The following MYO3B variants were observed in gnomAD, a reference collection of about 807,000 sequenced individuals.
The protein encoded by MYO3B is myosin IIIB.
MYO3B carries 156 observed loss-of-function variants against 174.6 expected under a neutral mutation model. The observed-to-expected ratio is 0.89, with a 90% CI of 0.78 to 1.02. The LOEUF (loss-of-function observed/expected upper bound fraction) is 1.02, where lower values mean the gene tolerates loss of function less well. MYO3B is among the 50% of genes least tolerant of loss of function. MYO3B has a pLI of 0.00. For synonymous variants in MYO3B, 563 were observed against 569.1 expected (o/e 0.99, Z 0.15); for missense variants, 1,632 against 1,639.4 (o/e 1.00, Z 0.08).
At chr2:170,324,736 T>C (rs958364976) in intron 7 of MYO3B, among the ~76,000 whole-genome samples, 1 of 152,218 alleles carries the variant, frequency 6.6e-6, no homozygotes, top group Non-Finnish European at 1.5e-5. Flanking sequence ...GTGGCAGATA[T>C]TAAGCTTTGT....
intron 32 of MYO3B, among the ~76,000 whole-genome samples, chr2:170,615,275 C>G (rs1245434239): frequency 6.6e-6 from 1 of 152,206 alleles, no homozygotes; most frequent in Non-Finnish European, 1.5e-5. Flanking sequence ...GAAGGAAAAG[C>G]TGTAAACAAA....
At chr2:170,377,797 C>T (rs1383919283) in intron 9 of MYO3B, among the ~76,000 whole-genome samples, 1 of 152,184 alleles carries the variant, frequency 6.6e-6, no homozygotes, top group African/African-American at 2.4e-5. Flanking sequence ...TCTTCTGAGC[C>T]ATTAAAACTA....
At chr2:170,253,155 C>G (rs1450648282) in intron 7 of MYO3B, among the ~76,000 whole-genome samples, 2 of 152,164 alleles carry the variant, frequency 1.3e-5, no homozygotes, top group Non-Finnish European at 2.9e-5. Context: ...AGCAGAGACT[C>G]AAGGTAAGAG....
In MYO3B at chr2:170,307,749, C is replaced by T. The variant is rs185340680; in HGVS notation, c.750-27636C>T. 1.7e-3 allele frequency among the ~76,000 whole-genome samples: 264 copies of T among 152,346 alleles called. 1 individual carries two copies. Among genetic ancestry groups the T allele is most frequent in the South Asian group, 7.9e-3 (38 of 4,830 alleles). On this transcript the variant is annotated intron_variant, in intron 7 of 34. Transcript: ENST00000408978. Reference sequence around the variant, plus strand: ...GAGCAGGGTCACCCCATAGGTAGTGCAGCAAGAATAGCAGCTCAAGGGCAG... The same window carrying T: ...GAGCAGGGTCACCCCATAGGTAGTGTAGCAAGAATAGCAGCTCAAGGGCAG...
intron 32 of MYO3B, 81 bp downstream of exon 32, chr2:170,544,069 C>G: frequency 8.9e-7 from 1 of 1,127,430 alleles, no homozygotes. Context: ...TTGGGCAGGA[C>G]TCAATTAGAT....
At chr2:170,523,444 T>G (rs1688803258) in intron 30 of MYO3B, among the ~76,000 whole-genome samples, 1 of 150,362 alleles carries the variant, frequency 6.7e-6, no homozygotes, top group African/African-American at 2.4e-5. Context: ...GAAGGAGTTT[T>G]TGGGCAGAGG....
intron 25 of MYO3B, among the ~76,000 whole-genome samples, chr2:170,491,769 G>T (rs73025034): frequency 0.079 from 11,985 of 152,250 alleles, 1,428 homozygotes; most frequent in African/African-American, 0.26. Flanking sequence ...AAACAGAGTA[G>T]GGTATATCAT....
rs374615068 is a variant in MYO3B at position 170,418,765 on chromosome 2, G to A, written c.2650+10921G>A. 7.0e-4 allele frequency among the ~76,000 whole-genome samples: 107 copies of A among 152,082 alleles called. No individual in the cohort carries two copies. In the South Asian group the frequency reaches 0.021, roughly 30 times the overall value. On this transcript the variant is annotated intron_variant, in intron 22 of 34. Transcript: ENST00000408978. ...TCCTCCCCCAAACTGGGGGAAGGAG[G>A]CAGTTCTCAAAAGAATCACTCATGA...
chr2:170,228,877 C>T (rs1209258253), intron 6 of MYO3B, among the ~76,000 whole-genome samples: 1 of 143,642 alleles, frequency 7.0e-6, no homozygotes, highest in African/African-American at 2.6e-5. Context: ...TGGATTTAAT[C>T]TTAGCTCTAG....
In MYO3B at chr2:170,178,155, A is replaced by C. The variant is rs2092354775; in HGVS notation, c.-133A>C. On this transcript the variant is annotated 5_prime_UTR_variant, in exon 1 of 35. Coordinates refer to ENST00000408978, the MANE Select transcript of MYO3B (RefSeq NM_138995.5). ...AACACCTCTTGGAACCTAGATCGAA[A>C]GTCCTTTGGTAATGATGTGTCATAC... is the stretch of plus-strand genomic sequence containing the variant. 8 of 1,108,084 alleles carry C rather than the reference A, an allele frequency of 7.2e-6. No individual in the cohort carries two copies. The South Asian group carries it at 8.7e-5, about 12-fold the overall frequency. 68.6% of individuals were successfully genotyped at this position (1,108,084 alleles called of 1,614,324 possible). A position where few individuals can be genotyped will look rare whatever the true frequency, so the allele number is the denominator to read the frequency against.
At chr2:170,282,910 C>T (rs558469560) in intron 7 of MYO3B, among the ~76,000 whole-genome samples, 1 of 152,242 alleles carries the variant, frequency 6.6e-6, no homozygotes, top group Non-Finnish European at 1.5e-5. Flanking sequence ...TCCCCTTTCC[C>T]CAGCATGCAG....
At chr2:170,458,182 T>C (rs917173055) in intron 23 of MYO3B, among the ~76,000 whole-genome samples, 1 of 152,252 alleles carries the variant, frequency 6.6e-6, no homozygotes, top group African/African-American at 2.4e-5. Flanking sequence ...CGCAGGTTTG[T>C]TTACACCAAA....
chr2:170,451,784 G>A (rs1035473750), intron 23 of MYO3B, among the ~76,000 whole-genome samples: 3 of 152,154 alleles, frequency 2.0e-5, no homozygotes, highest in Admixed American at 2.0e-4. Flanking sequence ...GCCCTTGGAG[G>A]AATAGGGTGA....
At chr2:170,449,333 A>G (rs1306925259) in intron 23 of MYO3B, among the ~76,000 whole-genome samples, 1 of 152,242 alleles carries the variant, frequency 6.6e-6, no homozygotes, top group East Asian at 1.9e-4. Flanking sequence ...TATTGCAGTT[A>G]TGCAAAAAAC....
chr2:170,570,736 C>A (rs531483318), intron 32 of MYO3B, among the ~76,000 whole-genome samples: 2 of 151,916 alleles, frequency 1.3e-5, no homozygotes, highest in Admixed American at 1.3e-4. Flanking sequence ...CAGTCATTTG[C>A]GCGTTATTCT....
intron 28 of MYO3B, among the ~76,000 whole-genome samples, chr2:170,506,378 A>G (rs1039949325): frequency 2.6e-5 from 4 of 152,220 alleles, no homozygotes; most frequent in Non-Finnish European, 5.9e-5. Context: ...TAGCATCATC[A>G]GTGGGTTGGC....
intron 7 of MYO3B, among the ~76,000 whole-genome samples, chr2:170,304,260 A>G (rs1036467980): frequency 6.6e-6 from 1 of 152,130 alleles, no homozygotes; most frequent in African/African-American, 2.4e-5. Flanking sequence ...AGTGTATGAA[A>G]ACACCATTTT....
chr2:170,276,402 A>G (rs765992229), intron 7 of MYO3B, among the ~76,000 whole-genome samples: 4 of 152,192 alleles, frequency 2.6e-5, no homozygotes, highest in Non-Finnish European at 5.9e-5. Context: ...CCATATGCTT[A>G]TGGTTATCCA....
chr2:170,649,881 T>C (rs1698871653), intron 32 of MYO3B: 2 of 143,870 alleles, frequency 1.4e-5, no homozygotes, highest in South Asian at 2.2e-4. Flanking sequence ...ACAAAACACC[T>C]ATTGGAACAA....
Sources: gnomAD v4.1 joint callset for allele counts (sites outside exome capture counted in the v4.1 genomes callset) on GRCh38, gnomAD v4.1.1 for gene constraint, MANE v1.5 for transcripts, NCBI Gene and HGNC (gene_info 2026-07-23, HGNC 2026-07-21) for gene names.